FBN3: variants seen among roughly 807,000 people sequenced by gnomAD.
FBN3 encodes the protein fibrillin-3.
A neutral mutation model predicts 330.1 loss-of-function variants in FBN3; 234 were observed. The ratio of observed to expected loss-of-function variants is 0.71; its 90% CI spans 0.64 to 0.79. FBN3 has a LOEUF of 0.79. FBN3 is among the 30% of genes least tolerant of loss of function. The probability of loss-of-function intolerance (pLI) is 0.00; values close to 1 mark genes in which losing one functional copy is unlikely to be tolerated. For synonymous variants in FBN3, 1,458 were observed against 1,517.3 expected (o/e 0.96, Z 0.91); for missense variants, 3,606 against 3,886.9 (o/e 0.93, Z 1.92).
At position 8,106,089 on chromosome 19, in the gene FBN3, A is replaced by G. The variant is rs1028832098; in HGVS notation, c.4813+19T>C. The G allele has an allele frequency of 6.2e-7, 1 of 1,613,776 alleles. No individual in the cohort carries two copies. Among genetic ancestry groups the G allele is most frequent in the African/African-American group, 1.3e-5 (1 of 74,904 alleles). On this transcript the variant is annotated intron_variant, in intron 38 of 63. Transcript: ENST00000600128. ...AGAGCGGAAGAGCCTGACCCACCCC[A>G]AAGAGAATCCATGCTCACCCTCACA... is the stretch of plus-strand genomic sequence containing the variant.
rs936997261 is a variant in FBN3 at position 8,111,730 on chromosome 19, T to G, written c.4002A>C (p.Pro1334=). Residue 1334 remains proline, a synonymous_variant, in exon 32 of 64, where the codon CCA becomes CCC. Transcript: ENST00000600128. ...ECVSQEHRCS[P]RGDCLNVPGS... ...CAGGGACATTGAGACAGTCACCTCT[T>G]GGGCTGCACCGGTGCTCCTGGGAGA... 2 of 1,612,488 alleles carry G rather than the reference T, an allele frequency of 1.2e-6. No individual in the cohort carries two copies. The highest frequency in any genetic ancestry group is 1.7e-6 in the Non-Finnish European group (2 of 1,178,898).
chr19:8,141,063 C>T lies in FBN3; in HGVS notation c.865+654G>A, dbSNP rs1036818174. On this transcript the variant is annotated intron_variant, in intron 8 of 63. Transcript: ENST00000600128. ...CAAAAAAATTATCCGGGCGTGGTAG[C>T]GGGCGCCTGTAGTCCCAGCTACTCG... 5.9e-5 allele frequency among the ~76,000 whole-genome samples: 9 copies of T among 151,400 alleles called. No individual in the cohort carries two copies. In the East Asian group the frequency reaches 7.8e-4, roughly 13 times the overall value.
rs763807616 is a variant in FBN3 at position 8,131,590 on chromosome 19, C to G, written c.1954G>C (p.Gly652Arg). 2 of 1,613,088 alleles carry G rather than the reference C, an allele frequency of 1.2e-6. No individual in the cohort carries two copies. The highest frequency in any genetic ancestry group is 3.3e-5 in the Admixed American group (2 of 59,952). Residue 652 changes from glycine to arginine, a missense_variant, in exon 15 of 64, where the codon GGG becomes CGG. Physicochemically the swap from Gly to Arg is moderately radical, Grantham distance 125. Transcript: ENST00000600128. The surrounding 1 kb of genome is among the most constrained non-coding windows in gnomAD (Gnocchi z 4.5). Reference sequence around the variant, plus strand: ...GCAGGACAAAGCTGGCAGGGCTCCCCAAAACCGTGGTCCGGATTGGCACAG... The same window carrying G: ...GCAGGACAAAGCTGGCAGGGCTCCCGAAAACCGTGGTCCGGATTGGCACAG... ...CCCANPDHGF[G>R]EPCQLCPAKD...
intron 30 of FBN3, among the ~76,000 whole-genome samples, chr19:8,115,012 T>C (rs964139930): frequency 4.6e-5 from 7 of 152,054 alleles, no homozygotes; most frequent in Non-Finnish European, 1.0e-4. Context: ...GGGATTACTA[T>C]GCCTGGCTAA....
chr19:8,142,547 A>G (rs1418403014), intron 6 of FBN3, among the ~76,000 whole-genome samples: 1 of 152,078 alleles, frequency 6.6e-6, no homozygotes, highest in Non-Finnish European at 1.5e-5. Flanking sequence ...GATTTGGGGA[A>G]GGATCTGTTA....
At chr19:8,080,047 C>G (rs938825334) in intron 59 of FBN3, among the ~76,000 whole-genome samples, 1 of 152,242 alleles carries the variant, frequency 6.6e-6, no homozygotes, top group African/African-American at 2.4e-5. Flanking sequence ...CTGTAACAGG[C>G]TCTGTCCCAA....
intron 63 of FBN3, among the ~76,000 whole-genome samples, chr19:8,071,430 G>T (rs1300020925): frequency 6.6e-6 from 1 of 152,168 alleles, no homozygotes; most frequent in Admixed American, 6.5e-5. Context: ...TGTCAGGTTG[G>T]GGCCCTGGGG....
intron 6 of FBN3, among the ~76,000 whole-genome samples, chr19:8,143,212 G>T (rs2083453389): frequency 6.6e-6 from 1 of 152,144 alleles, no homozygotes; most frequent in African/African-American, 2.4e-5. Context: ...GGGATCCTCA[G>T]CGGCACCCTG....
intron 1 of FBN3, among the ~76,000 whole-genome samples, chr19:8,147,934 G>C (rs1411062356): frequency 1.3e-5 from 2 of 152,124 alleles, no homozygotes; most frequent in East Asian, 1.9e-4. Context: ...AGGGTCCCGG[G>C]GGGGAAACAG....
intron 10 of FBN3, 107 bp from the exon 11 acceptor site, chr19:8,136,638 C>T: frequency 6.9e-7 from 1 of 1,439,930 alleles, no homozygotes; most frequent in Non-Finnish European, 9.5e-7. Flanking sequence ...AGGCTGGGAC[C>T]CTGCCCTGGC....
chr19:8,126,441 C>T (rs1371543071), intron 20 of FBN3, 27 bp downstream of exon 20: 15 of 1,604,514 alleles, frequency 9.3e-6, no homozygotes, highest in Middle Eastern at 3.3e-4. Flanking sequence ...CCCATGGGTG[C>T]CTGGGAGGCC....
intron 46 of FBN3, 78 bp from the exon 47 acceptor site, chr19:8,094,643 A>C: frequency 2.0e-6 from 3 of 1,509,352 alleles, no homozygotes; most frequent in Non-Finnish European, 2.7e-6. Context: ...CAACACCTGC[A>C]ATCACTGTGT....
At chr19:8,127,472 C>G (rs1487784340) in intron 18 of FBN3, among the ~76,000 whole-genome samples, 1 of 152,192 alleles carries the variant, frequency 6.6e-6, no homozygotes, top group African/African-American at 2.4e-5. Context: ...CCGACACCAG[C>G]AGGGTGCCCT....
chr19:8,128,944 ATGCCTGTGCG>A (rs2083059221), intron 18 of FBN3, 74 bp downstream of exon 18: 4 of 1,506,458 alleles, frequency 2.7e-6, no homozygotes, highest in Non-Finnish European at 3.6e-6. Flanking sequence ...GAGCGTGTGC[ATGCCTGTGCG>A]TGCACACGCC....
chr19:8,080,700 C>T (rs1180158127), intron 59 of FBN3, among the ~76,000 whole-genome samples: 5 of 152,014 alleles, frequency 3.3e-5, no homozygotes, highest in Non-Finnish European at 5.9e-5. Context: ...CTCACTGCAA[C>T]CTCTGCCTCC....
At position 8,121,151 on chromosome 19, in the gene FBN3, G is replaced by T; in HGVS notation, c.3211+107C>A. On this transcript the variant is annotated intron_variant, in intron 25 of 63. Transcript: ENST00000600128. The surrounding 1 kb of genome is among the most constrained non-coding windows in gnomAD (Gnocchi z 4.5). ...TAATTTACAGCTCCTCCCTCCTCCTGCCCCCTCCATCCACGTCCACACAGC... is the reference window on the plus strand; with the variant it reads ...TAATTTACAGCTCCTCCCTCCTCCTTCCCCCTCCATCCACGTCCACACAGC... 1 of 1,089,596 alleles carries T rather than the reference G, an allele frequency of 9.2e-7. No individual in the cohort carries two copies. The highest frequency in any genetic ancestry group is 1.3e-6 in the Non-Finnish European group (1 of 756,618). 67.5% of individuals were successfully genotyped at this position (1,089,596 alleles called of 1,614,324 possible).
chr19:8,138,921 C>T (rs146836138), intron 8 of FBN3, among the ~76,000 whole-genome samples: 1 of 152,252 alleles, frequency 6.6e-6, no homozygotes, highest in East Asian at 1.9e-4. Context: ...GTGGCAGGCA[C>T]TTGTAATCAC....
chr19:8,144,810 A>G, intron 6 of FBN3, 67 bp downstream of exon 6: 1 of 1,298,992 alleles, frequency 7.7e-7, no homozygotes, highest in South Asian at 1.3e-5. Context: ...TGTCTCAGGG[A>G]CTTCCAGGAA....
intron 63 of FBN3, among the ~76,000 whole-genome samples, chr19:8,071,022 C>CAAAAAA (rs34381445): frequency 1.0e-5 from 1 of 96,098 alleles, no homozygotes; most frequent in East Asian, 2.9e-4. Context: ...GACTCTGTCT[C>CAAAAAA]AAAAAAAAAA....
Sources: gnomAD v4.1 joint callset for allele counts (sites outside exome capture counted in the v4.1 genomes callset) on GRCh38, gnomAD v4.1.1 for gene constraint, Gnocchi (gnomAD v3.1) non-coding constraint, MANE v1.5 for transcripts, NCBI Gene and HGNC (gene_info 2026-07-23, HGNC 2026-07-21) for gene names.